The following COL3A1 variants were observed in gnomAD, a reference collection of about 807,000 sequenced individuals.
The protein encoded by COL3A1 is collagen type III alpha 1 chain, also known as collagen alpha-1(III) chain.
Under a neutral mutation model 200.9 loss-of-function variants are expected in COL3A1, and 46 were observed. That is an observed-to-expected ratio of 0.23 (90% CI 0.18 to 0.29). The LOEUF (loss-of-function observed/expected upper bound fraction) is 0.29, where lower values mean the gene tolerates loss of function less well. Among genes scored for constraint, COL3A1 ranks in the 10% least tolerant of loss-of-function variants. The pLI is 1.00. For synonymous variants in COL3A1, 650 were observed against 628.0 expected (o/e 1.03, Z -0.52); for missense variants, 1,367 against 1,917.6 (o/e 0.71, Z 5.36).
At chr2:189,006,567 T>G in intron 43 of COL3A1, 115 bp downstream of exon 43, 1 of 1,030,020 alleles carries the variant, frequency 9.7e-7, no homozygotes, top group Non-Finnish European at 1.5e-6. Flanking sequence ...GTCATTTGTT[T>G]TACAGTTTTA....
intron 27 of COL3A1, 82 bp from the exon 28 acceptor site, chr2:188,998,184 G>T: frequency 2.3e-6 from 3 of 1,296,920 alleles, no homozygotes; most frequent in Admixed American, 3.8e-5. Context: ...TTAATATCTT[G>T]CAGAAACATG....
intron 26 of COL3A1, 70 bp downstream of exon 26, chr2:188,997,459 T>C (rs1688355018): frequency 1.4e-6 from 2 of 1,464,704 alleles, no homozygotes; most frequent in Admixed American, 3.4e-5. Flanking sequence ...GCTTCAAAAA[T>C]TACATAATCT....
Position 189,004,332 on chromosome 2 carries a change from C to G in COL3A1, c.2899C>G (p.Pro967Ala). Residue 967 changes from proline to alanine, a missense_variant, in exon 40 of 51, where the codon CCT becomes GCT. Pro to Ala is a conservative substitution (Grantham distance 27). Transcript: ENST00000304636. ...TGCAGGACCACCAGGCATGCCAGGT[C>G]CTAGGGGAAGCCCTGGCCCTCAGGG... ...GLAGPPGMPGPRGSPGPQGVK... is the reference protein window; with the variant it reads ...GLAGPPGMPGARGSPGPQGVK... The G allele has an allele frequency of 1.2e-6, 2 of 1,605,736 alleles. No homozygotes were observed. The highest frequency in any genetic ancestry group is 1.7e-6 in the Non-Finnish European group (2 of 1,176,544).
chr2:188,997,608 T>G, intron 26 of COL3A1, 92 bp from the exon 27 acceptor site: 1 of 1,356,830 alleles, frequency 7.4e-7, no homozygotes, highest in Non-Finnish European at 1.0e-6. Context: ...CATCACTACT[T>G]TTATAATTAA....
Position 188,987,593 on chromosome 2 carries a change from T to A in COL3A1, c.528+454T>A, listed in dbSNP as rs980357518. 2.0e-5 allele frequency among the ~76,000 whole-genome samples: 3 copies of A among 152,236 alleles called. No homozygotes were observed. The East Asian group carries it at 5.8e-4, about 29-fold the overall frequency. On this transcript the variant is annotated intron_variant, in intron 5 of 50. Coordinates refer to ENST00000304636, the MANE Select transcript of COL3A1 (RefSeq NM_000090.4). ...TGATTCTTGCATGATCATATAAATCTCTATGTCAATTAACTCTGTGATAGA... is the reference window on the plus strand; with the variant it reads ...TGATTCTTGCATGATCATATAAATCACTATGTCAATTAACTCTGTGATAGA...
At chr2:189,001,264 T>C in intron 32 of COL3A1, 133 bp from the exon 33 acceptor site, 1 of 790,478 alleles carries the variant, frequency 1.3e-6, no homozygotes, top group Non-Finnish European at 2.1e-6. Context: ...AGCATAGCAT[T>C]CAAGCCATAA....
intron 22 of COL3A1, 49 bp downstream of exon 22, chr2:188,995,839 A>G (rs1378511252): frequency 7.0e-7 from 1 of 1,434,726 alleles, no homozygotes; most frequent in Non-Finnish European, 9.6e-7. Context: ...GACAGAAGAA[A>G]GGCAAGACAA....
Position 189,003,047 on chromosome 2 carries a change from A to C in COL3A1, c.2538A>C (p.Gly846=). The change falls in exon 36 of 51, where the codon GGA becomes GGC. Residue 846 remains glycine, a synonymous_variant. Transcript: ENST00000304636. ...CTCCTGGAGTTGCAGGACCCCCTGG[A>C]GGTTCTGGACCTGCTGTAAGTTCCT... ...GGPPGVAGPP[G]GSGPAGPPGP... The C allele has an allele frequency of 6.4e-7, 1 of 1,551,176 alleles. No homozygotes were observed. The highest frequency in any genetic ancestry group is 8.7e-7 in the Non-Finnish European group (1 of 1,146,646).
intron 8 of COL3A1, 23 bp from the exon 9 acceptor site, chr2:188,990,073 G>C (rs781636691): frequency 8.7e-6 from 14 of 1,611,090 alleles, no homozygotes; most frequent in Admixed American, 1.7e-5. Context: ...GAGCACCTAC[G>C]TATTCTTTAT....
rs561435412 is a variant in COL3A1 at position 188,987,208 on chromosome 2, T to G, written c.528+69T>G. The G allele has an allele frequency of 4.6e-6, 6 of 1,291,874 alleles. No individual in the cohort carries two copies. The South Asian group carries it at 7.2e-5, about 15-fold the overall frequency. 80.0% of individuals were successfully genotyped at this position (1,291,874 alleles called of 1,614,324 possible). A position where few individuals can be genotyped will look rare whatever the true frequency, so the allele number is the denominator to read the frequency against. Reference sequence around the variant, plus strand: ...TCTGGTTTGTAAAATCTTGAATGGTTGCTCTTCTAGGAATTCAGTATTTTT... The same window carrying G: ...TCTGGTTTGTAAAATCTTGAATGGTGGCTCTTCTAGGAATTCAGTATTTTT... On this transcript the variant is annotated intron_variant, in intron 5 of 50. Transcript: ENST00000304636.
chr2:188,986,950 C>G, intron 4 of COL3A1, 109 bp from the exon 5 acceptor site: 1 of 950,182 alleles, frequency 1.1e-6, no homozygotes, highest in Non-Finnish European at 1.7e-6. Flanking sequence ...TTTTGGCACA[C>G]AAAAACCTAT....
Position 188,999,904 on chromosome 2 carries a change from T to A in COL3A1, c.2283+9T>A. 1 of 1,584,646 alleles carries A rather than the reference T, an allele frequency of 6.3e-7. No homozygotes were observed. The highest frequency in any genetic ancestry group is 1.9e-5 in the Admixed American group (1 of 53,522). ...GGAAAGATGGCCCAAGGGTGAGTATTCCCAGTGAGGAGAAGCAGGCCTTAT... is the reference window on the plus strand; with the variant it reads ...GGAAAGATGGCCCAAGGGTGAGTATACCCAGTGAGGAGAAGCAGGCCTTAT... On this transcript the variant is annotated intron_variant, in intron 32 of 50. Coordinates refer to ENST00000304636, the MANE Select transcript of COL3A1 (RefSeq NM_000090.4).
Position 188,999,471 on chromosome 2 carries a change from G to C in COL3A1, c.2123G>C (p.Gly708Ala), listed in dbSNP as rs111929073. 1.9e-6 allele frequency: 3 copies of C among 1,613,998 alleles called. No individual in the cohort carries two copies. The highest frequency in any genetic ancestry group is 2.5e-6 in the Non-Finnish European group (3 of 1,179,992). Residue 708 changes from glycine to alanine, a missense_variant and splice_region_variant, in exon 31 of 51, where the codon GGT becomes GCT. By Grantham distance (60) the Gly-to-Ala change is moderately conservative. Coordinates refer to ENST00000304636, the MANE Select transcript of COL3A1 (RefSeq NM_000090.4). ...AGPPGPEGGK[G>A]AAGPPGPPGA... Reference sequence around the variant, plus strand: ...TTATTATTTCTCACTTATTTTCAGGGTGCTGCTGGTCCTCCTGGGCCACCT... The same window carrying C: ...TTATTATTTCTCACTTATTTTCAGGCTGCTGCTGGTCCTCCTGGGCCACCT...
Position 188,974,686 on chromosome 2 carries a change from C to A in COL3A1, c.79+118C>A, listed in dbSNP as rs537938467. 5 of 809,740 alleles carry A rather than the reference C, an allele frequency of 6.2e-6. No individual in the cohort carries two copies. The Admixed American group carries it at 9.2e-5, about 15-fold the overall frequency. 50.2% of individuals were successfully genotyped at this position (809,740 alleles called of 1,614,324 possible). ...TTCAAGATAATTTCCTCTATAAGCT[C>A]CAGATTGTGAAACGTTGAACTGACC... On this transcript the variant is annotated intron_variant, in intron 1 of 50. Coordinates refer to ENST00000304636, the MANE Select transcript of COL3A1 (RefSeq NM_000090.4).
rs1281152210 is a variant in COL3A1 at position 188,994,118 on chromosome 2, A to T, written c.1194+36A>T. The T allele has an allele frequency of 6.2e-7, 1 of 1,613,682 alleles. No individual in the cohort carries two copies. Among genetic ancestry groups the T allele is most frequent in the Non-Finnish European group, 8.5e-7 (1 of 1,179,572 alleles). ...CCCACTCCTCAGCCTTATCTCATCCACACATTACTGGCTTCTTTTGCATTT... is the reference window on the plus strand; with the variant it reads ...CCCACTCCTCAGCCTTATCTCATCCTCACATTACTGGCTTCTTTTGCATTT... On this transcript the variant is annotated intron_variant, in intron 17 of 50. Transcript: ENST00000304636. The surrounding 1 kb of genome is among the most constrained non-coding windows in gnomAD (Gnocchi z 4.5).
At chr2:188,992,770 T>G in intron 14 of COL3A1, 117 bp from the exon 15 acceptor site, 1 of 833,328 alleles carries the variant, frequency 1.2e-6, no homozygotes, top group Admixed American at 1.8e-5. Flanking sequence ...AAAATATGAA[T>G]ATCATTTTTA....
chr2:188,974,513 G>C lies in COL3A1; in HGVS notation c.24G>C (p.Gly8=). ...ACATGATGAGCTTTGTGCAAAAGGG[G>C]AGCTGGCTACTTCTCGCTCTGCTTC... MMSFVQK[G]SWLLLALLHP... Residue 8 remains glycine, a synonymous_variant, in exon 1 of 51, where the codon GGG becomes GGC. Coordinates refer to ENST00000304636, the MANE Select transcript of COL3A1 (RefSeq NM_000090.4). The C allele has an allele frequency of 1.2e-6, 2 of 1,613,994 alleles. No homozygotes were observed. Among genetic ancestry groups the C allele is most frequent in the Non-Finnish European group, 1.7e-6 (2 of 1,179,920 alleles).
rs1448515217 is a variant in COL3A1, at chr2:188,980,429, GAC to G, written c.80-4329_80-4328del. 2.5e-3 allele frequency among the ~76,000 whole-genome samples: 46 copies of G among 18,210 alleles called. No homozygotes were observed. In the East Asian group the frequency reaches 0.037, roughly 15 times the overall value. The allele number at this position is 18,210 out of a possible 152,430, so 11.9% of individuals were successfully genotyped here. ...ACAATTCTAAAAGATTAATCTTTTAGACAATTCTAAAAGATTAATCTTTTAGA... is the reference window on the plus strand; with the variant it reads ...ACAATTCTAAAAGATTAATCTTTTAGAATTCTAAAAGATTAATCTTTTAGA... On this transcript the variant is annotated intron_variant, in intron 1 of 50. Transcript: ENST00000304636.
Position 189,001,461 on chromosome 2 carries a change from A to C in COL3A1, c.2337+11A>C, listed in dbSNP as rs766859365. The C allele has an allele frequency of 1.2e-5, 20 of 1,613,992 alleles. No homozygotes were observed. The Admixed American group carries it at 2.3e-4, about 19-fold the overall frequency. On this transcript the variant is annotated intron_variant, in intron 33 of 50. Transcript: ENST00000304636. ...CAGCCTGGAGATAAGGTAACCCTTA[A>C]TACTACCTGGATATAAAAAGAAAAT...
Sources: allele counts gnomAD v4.1 joint callset (sites outside exome capture counted in the v4.1 genomes callset), GRCh38; gene constraint gnomAD v4.1.1; non-coding constraint Gnocchi (gnomAD v3.1); transcripts MANE v1.5; gene names NCBI Gene and HGNC (gene_info 2026-07-23, HGNC 2026-07-21).